ATG10: variants seen among roughly 807,000 people sequenced by gnomAD.
ATG10 encodes autophagy related 10.
In ATG10, 30 loss-of-function variants were observed where a neutral mutation model predicts 32.1. The observed-to-expected ratio is 0.94, with a 90% CI of 0.70 to 1.27. The LOEUF (loss-of-function observed/expected upper bound fraction) is 1.27. Ranked by LOEUF, ATG10 falls within the 50% of genes most tolerant of loss-of-function variation. The pLI is 0.00. For synonymous variants in ATG10, 87 were observed against 91.5 expected (o/e 0.95, Z 0.28); for missense variants, 233 against 262.3 (o/e 0.89, Z 0.77).
chr5:82,110,987 A>G, intron 3 of ATG10, among the ~76,000 whole-genome samples: 1 of 152,044 alleles, frequency 6.6e-6, no homozygotes, highest in East Asian at 1.9e-4. Context: ...TCTGAAGTTA[A>G]GAAAAGAGAT....
At chr5:82,232,162 CA>C (rs972126472) in intron 5 of ATG10, among the ~76,000 whole-genome samples, 1 of 152,108 alleles carries the variant, frequency 6.6e-6, no homozygotes, top group Admixed American at 6.6e-5. Flanking sequence ...ACACCTAGCT[CA>C]AAAGTGGTGT....
At chr5:82,100,605 GA>G (rs1402216579) in intron 3 of ATG10, among the ~76,000 whole-genome samples, 2 of 151,888 alleles carry the variant, frequency 1.3e-5, no homozygotes, top group Non-Finnish European at 1.5e-5. Flanking sequence ...TGCCCACTAG[GA>G]GAGAGATCTT....
intron 5 of ATG10, among the ~76,000 whole-genome samples, chr5:82,244,789 A>C (rs548686075): frequency 6.6e-6 from 1 of 152,350 alleles, no homozygotes; most frequent in East Asian, 1.9e-4. Context: ...ACCAATTCAC[A>C]GTATTCTTGT....
At chr5:81,981,693 A>G (rs1002883897) in intron 1 of ATG10, among the ~76,000 whole-genome samples, 4 of 152,180 alleles carry the variant, frequency 2.6e-5, no homozygotes. Flanking sequence ...AAATTCAGTT[A>G]TATTTCTTAT....
chr5:82,222,945 G>A (rs1309391938), intron 5 of ATG10, among the ~76,000 whole-genome samples: 1 of 152,156 alleles, frequency 6.6e-6, no homozygotes, highest in African/African-American at 2.4e-5. Context: ...TTGTATGCCG[G>A]GTACTTGGTT....
At chr5:82,013,667 A>AT (rs976056508) in intron 2 of ATG10, among the ~76,000 whole-genome samples, 44 of 150,004 alleles carry the variant, frequency 2.9e-4, no homozygotes, top group African/African-American at 6.9e-4. Flanking sequence ...ACCAACATCT[A>AT]TTTTTTTTTG....
chr5:82,105,626 T>C (rs1765424948), intron 3 of ATG10, among the ~76,000 whole-genome samples: 2 of 152,254 alleles, frequency 1.3e-5, no homozygotes, highest in South Asian at 4.1e-4. Flanking sequence ...TGCCATTTAC[T>C]GAATGAGTCA....
At chr5:82,210,049 A>G (rs1180212696) in intron 5 of ATG10, among the ~76,000 whole-genome samples, 2 of 152,150 alleles carry the variant, frequency 1.3e-5, no homozygotes, top group Non-Finnish European at 2.9e-5. Context: ...CCTTACCAAA[A>G]TTCTCAAGCT....
At chr5:82,096,851 A>G (rs1044418718) in intron 3 of ATG10, among the ~76,000 whole-genome samples, 4 of 152,132 alleles carry the variant, frequency 2.6e-5, no homozygotes, top group African/African-American at 9.7e-5. Context: ...CACTGCCCCA[A>G]TCCTTTTTTT....
chr5:82,219,869 A>G (rs919880697), intron 5 of ATG10, among the ~76,000 whole-genome samples: 1 of 152,228 alleles, frequency 6.6e-6, no homozygotes, highest in Non-Finnish European at 1.5e-5. Context: ...TTAAAGGAGC[A>G]CCTATTATGA....
rs114975956 is a variant in ATG10 at position 82,166,534 on chromosome 5, C to T, written c.355+1997C>T. Among the ~76,000 whole-genome samples the T allele has an allele frequency of 3.4e-3, 525 of 152,176 alleles. 2 individuals carry two copies. The highest frequency in any genetic ancestry group is 0.012 in the African/African-American group (494 of 41,532). On this transcript the variant is annotated intron_variant, in intron 4 of 7. Coordinates refer to ENST00000282185, the MANE Select transcript of ATG10 (RefSeq NM_031482.5). Reference sequence around the variant, plus strand: ...ATCATATTCTAATAATTTATTTTTTCTTTCCACCTAACTTAACCTCATGGA... The same window carrying T: ...ATCATATTCTAATAATTTATTTTTTTTTTCCACCTAACTTAACCTCATGGA...
intron 3 of ATG10, among the ~76,000 whole-genome samples, chr5:82,066,205 A>G (rs559272913): frequency 5.3e-5 from 8 of 152,216 alleles, no homozygotes; most frequent in Admixed American, 3.3e-4. Flanking sequence ...GTCATTTTCC[A>G]TAGAATAGAG....
At chr5:82,028,146 C>T (rs1014599840) in intron 2 of ATG10, among the ~76,000 whole-genome samples, 1 of 152,150 alleles carries the variant, frequency 6.6e-6, no homozygotes, top group African/African-American at 2.4e-5. Flanking sequence ...AGAAGTGGTA[C>T]TCTCAATACT....
In ATG10 at chr5:82,211,094, A is replaced by G. The variant is rs139681900; in HGVS notation, c.453+32507A>G. 8.5e-3 allele frequency among the ~76,000 whole-genome samples: 1,301 copies of G among 152,256 alleles called. 18 individuals carry two copies. The highest frequency in any genetic ancestry group is 0.03 in the African/African-American group (1,238 of 41,556). The stretch of plus-strand genomic sequence containing the variant: ...TGTAGAGATAAGGAGGCTTATCATC[A>G]TAAAGAAAACTTCTGGGTTTTAATT... On this transcript the variant is annotated intron_variant, in intron 5 of 7. Transcript: ENST00000282185.
intron 2 of ATG10, among the ~76,000 whole-genome samples, chr5:81,993,491 T>A (rs1034119315): frequency 6.7e-6 from 1 of 149,648 alleles, no homozygotes; most frequent in African/African-American, 2.5e-5. Context: ...TGCAATGGTG[T>A]GATCTTGGCT....
intron 1 of ATG10, among the ~76,000 whole-genome samples, chr5:81,973,669 C>T (rs972608104): frequency 5.3e-5 from 8 of 152,144 alleles, no homozygotes; most frequent in African/African-American, 1.9e-4. Flanking sequence ...GACATAGGCC[C>T]TGTGTGGTAC....
At chr5:82,231,902 T>C (rs962053909) in intron 5 of ATG10, among the ~76,000 whole-genome samples, 5 of 152,244 alleles carry the variant, frequency 3.3e-5, no homozygotes, top group African/African-American at 1.2e-4. Flanking sequence ...AGAAGCATTA[T>C]AGTATTTTAA....
intron 3 of ATG10, among the ~76,000 whole-genome samples, chr5:82,096,098 A>G (rs1765049447): frequency 6.6e-6 from 1 of 152,192 alleles, no homozygotes; most frequent in Non-Finnish European, 1.5e-5. Context: ...TCTTTCAAAT[A>G]AAAACACTGG....
intron 5 of ATG10, among the ~76,000 whole-genome samples, chr5:82,216,187 C>T (rs1361551905): frequency 6.6e-6 from 1 of 152,150 alleles, no homozygotes; most frequent in Admixed American, 6.5e-5. Context: ...CAGAAATATT[C>T]TGTAGATCCT....
Sources: gnomAD v4.1 joint callset for allele counts (sites outside exome capture counted in the v4.1 genomes callset) on GRCh38, gnomAD v4.1.1 for gene constraint, MANE v1.5 for transcripts, NCBI Gene and HGNC (gene_info 2026-07-23, HGNC 2026-07-21) for gene names.